STAT3: variants seen among roughly 807,000 people sequenced by gnomAD.
The protein encoded by STAT3 is signal transducer and activator of transcription 3.
Under a neutral mutation model 114.3 loss-of-function variants are expected in STAT3, and 7 were observed. That is an observed-to-expected ratio of 0.06 (90% CI 0.03 to 0.11). The LOEUF (loss-of-function observed/expected upper bound fraction) is 0.11. STAT3 is among the 10% of genes least tolerant of loss of function. The pLI, the probability that STAT3 is intolerant of heterozygous loss-of-function variation, is 1.00. For synonymous variants in STAT3, 331 were observed against 354.5 expected (o/e 0.93, Z 0.74); for missense variants, 364 against 960.9 (o/e 0.38, Z 8.21).
At chr17:42,317,360 A>G in intron 21 of STAT3, 136 bp from the exon 22 acceptor site, 4 of 1,027,448 alleles carry the variant, frequency 3.9e-6, no homozygotes, top group South Asian at 2.7e-5. Flanking sequence ...GGAAAGCTCC[A>G]TCTGCCCCTC....
intron 1 of STAT3, among the ~76,000 whole-genome samples, chr17:42,384,132 ATT>A (rs371933640): frequency 1.0e-4 from 14 of 134,970 alleles, no homozygotes; most frequent in African/African-American, 1.7e-4. Flanking sequence ...TTATTTATTT[ATT>A]TTTTTTTTTT....
intron 1 of STAT3, among the ~76,000 whole-genome samples, chr17:42,384,557 A>ATT (rs35561964): frequency 6.9e-6 from 1 of 145,276 alleles, no homozygotes. Context: ...GCTACCAGGA[A>ATT]TTTTTTTTTT....
chr17:42,357,945 CTT>C (rs2083306534), intron 1 of STAT3, among the ~76,000 whole-genome samples: 1 of 152,080 alleles, frequency 6.6e-6, no homozygotes, highest in Admixed American at 6.5e-5. Context: ...AATATTAACA[CTT>C]GAGTGCCCAA....
intron 8 of STAT3, among the ~76,000 whole-genome samples, chr17:42,335,296 T>G (rs2144848861): frequency 6.6e-6 from 1 of 152,262 alleles, no homozygotes; most frequent in East Asian, 1.9e-4. Context: ...TTAGTTTAGT[T>G]TAGTTTTTTG....
At chr17:42,353,329 C>CA (rs1414030747) in intron 1 of STAT3, among the ~76,000 whole-genome samples, 6 of 125,256 alleles carry the variant, frequency 4.8e-5, no homozygotes, top group African/African-American at 1.9e-4. Context: ...GCCTGGGCAA[C>CA]AGAGTGAGAC....
chr17:42,346,383 A>C (rs1454246119), intron 3 of STAT3, among the ~76,000 whole-genome samples, 186 bp downstream of exon 3: 1 of 152,240 alleles, frequency 6.6e-6, no homozygotes, highest in Non-Finnish European at 1.5e-5. Context: ...AGTGATTCTC[A>C]GGTAATGATG....
chr17:42,377,123 G>C (rs768394280), intron 1 of STAT3, among the ~76,000 whole-genome samples: 17 of 152,154 alleles, frequency 1.1e-4, no homozygotes, highest in Non-Finnish European at 2.2e-4. Context: ...CCTCCTGTTG[G>C]CTTCTTCCTG....
intron 1 of STAT3, among the ~76,000 whole-genome samples, chr17:42,382,273 T>C (rs76766396): frequency 0.029 from 4,364 of 152,374 alleles, 98 homozygotes; most frequent in African/African-American, 0.059. Context: ...GAGCTCTTAC[T>C]ATGTGCCAGG....
chr17:42,375,526 A>G (rs12942547), intron 1 of STAT3, among the ~76,000 whole-genome samples: 61,308 of 152,052 alleles, frequency 0.4, 12,615 homozygotes, highest in South Asian at 0.48. Flanking sequence ...TATTTTTTAA[A>G]TTTAAAAGAA....
intron 1 of STAT3, among the ~76,000 whole-genome samples, chr17:42,382,107 T>C (rs2084831712): frequency 6.6e-6 from 1 of 152,170 alleles, no homozygotes; most frequent in Non-Finnish European, 1.5e-5. Context: ...TGCAACTTTT[T>C]GTAACGCAAC....
Position 42,324,956 on chromosome 17 carries a change from C to T in STAT3, c.1464+7G>A. ...CGGGGCACCAACTAAAAGGAGGGGG[C>T]ACTAACCTTGGGATTGTTGGTCAGC... On this transcript the variant is annotated splice_region_variant and intron_variant, in intron 16 of 23. Coordinates refer to ENST00000264657, the MANE Select transcript of STAT3 (RefSeq NM_139276.3). This position sits in a 1 kb window ranked among gnomAD's most constrained non-coding sequence, Gnocchi z 4.5. The T allele has an allele frequency of 6.2e-7, 1 of 1,614,142 alleles. No homozygotes were observed. Among genetic ancestry groups the T allele is most frequent in the Non-Finnish European group, 8.5e-7 (1 of 1,180,028 alleles).
intron 1 of STAT3, among the ~76,000 whole-genome samples, chr17:42,378,217 G>A (rs2084577551): frequency 6.6e-6 from 1 of 151,178 alleles, no homozygotes; most frequent in South Asian, 2.1e-4. Context: ...CTGCCCCTAT[G>A]TATAAGCGTT....
chr17:42,335,651 C>T (rs1260029537), intron 8 of STAT3, among the ~76,000 whole-genome samples: 1 of 152,194 alleles, frequency 6.6e-6, no homozygotes, highest in Non-Finnish European at 1.5e-5. Flanking sequence ...GGTGCAGTGG[C>T]TGACACCTGT....
chr17:42,369,560 A>G (rs1212820209), intron 1 of STAT3, among the ~76,000 whole-genome samples: 1 of 152,144 alleles, frequency 6.6e-6, no homozygotes, highest in Non-Finnish European at 1.5e-5. Context: ...CCTGCTTTTC[A>G]ATGCTTTACC....
chr17:42,328,474 C>G (rs2081840389), intron 14 of STAT3, among the ~76,000 whole-genome samples: 1 of 152,186 alleles, frequency 6.6e-6, no homozygotes. Flanking sequence ...GTGGCAAAAT[C>G]TTGGCTCACT....
intron 14 of STAT3, 116 bp from the exon 15 acceptor site, chr17:42,326,315 C>T: frequency 1.2e-6 from 1 of 852,718 alleles, no homozygotes; most frequent in Non-Finnish European, 1.9e-6. Flanking sequence ...CGAGACCAGT[C>T]TAAGCAGCAC....
At position 42,323,092 on chromosome 17, in the gene STAT3, A is replaced by T. The variant is rs2144693136; in HGVS notation, c.1800T>A (p.Thr600=). The T allele has an allele frequency of 6.2e-7, 1 of 1,614,202 alleles. No homozygotes were observed. The highest frequency in any genetic ancestry group is 8.5e-7 in the Non-Finnish European group (1 of 1,180,032). The part of the protein sequence containing the change: ...SKERERAILS[T]KPPGTFLLRF... ...TTAGCAGGAAGGTGCCTGGAGGCTT[A>T]GTGCTCAAGATGGCCCGCTCCCGCT... Residue 600 remains threonine (T), a synonymous_variant, in exon 20 of 24, where the codon ACT becomes ACA. Transcript: ENST00000264657.
chr17:42,374,090 A>G (rs144865467), intron 1 of STAT3: 55 of 152,318 alleles, frequency 3.6e-4, no homozygotes, highest in African/African-American at 1.1e-3. Flanking sequence ...GCATGATGTA[A>G]CCACTCTTCA....
chr17:42,365,522 G>A lies in STAT3; in HGVS notation c.-23-16983C>T, dbSNP rs553233590. 7.9e-5 allele frequency among the ~76,000 whole-genome samples: 12 copies of A among 152,104 alleles called. No individual in the cohort carries two copies. The East Asian group carries it at 2.3e-3, about 29-fold the overall frequency. On this transcript the variant is annotated intron_variant, in intron 1 of 23. Coordinates refer to ENST00000264657, the MANE Select transcript of STAT3 (RefSeq NM_139276.3). ...AGTCTGAGCTGGTTTATTGCATTCGGCAACTAGAACAACATTTTTACTAAC... is the reference window on the plus strand; with the variant it reads ...AGTCTGAGCTGGTTTATTGCATTCGACAACTAGAACAACATTTTTACTAAC...
Sources: gnomAD v4.1 joint callset for allele counts (sites outside exome capture counted in the v4.1 genomes callset) on GRCh38, gnomAD v4.1.1 for gene constraint, Gnocchi (gnomAD v3.1) non-coding constraint, MANE v1.5 for transcripts, NCBI Gene and HGNC (gene_info 2026-07-23, HGNC 2026-07-21) for gene names.